TUBB8: variants seen among roughly 807,000 people sequenced by gnomAD.
The protein encoded by TUBB8 is tubulin beta-8 chain.
TUBB8 carries 25 observed loss-of-function variants against 33.7 expected under a neutral mutation model. The ratio of observed to expected loss-of-function variants is 0.74; its 90% CI spans 0.54 to 1.04. The LOEUF is 1.04. Among genes scored for constraint, TUBB8 ranks in the 50% least tolerant of loss-of-function variants. TUBB8 has a pLI of 0.00. For missense variants in TUBB8, 279 were observed against 608.0 expected (o/e 0.46, Z 5.69); for synonymous variants, 245 against 240.1 (o/e 1.02, Z -0.19).
intron 1 of TUBB8, among the ~76,000 whole-genome samples, chr10:59,180 T>C (rs1834567986): frequency 6.6e-6 from 1 of 152,200 alleles, no homozygotes; most frequent in Admixed American, 6.6e-5. Flanking sequence ...TGGAAATGAT[T>C]ACATGGATTT....
intron 1 of TUBB8, among the ~76,000 whole-genome samples, chr10:66,012 A>G (rs1217607907): frequency 6.6e-6 from 1 of 152,252 alleles, no homozygotes; most frequent in African/African-American, 2.4e-5. Context: ...TCTAAACACC[A>G]CAATCGGACT....
upstream of TUBB8, among the ~76,000 whole-genome samples, chr10:51,561 G>A (rs1834468909): frequency 6.6e-6 from 1 of 152,174 alleles, no homozygotes; most frequent in Admixed American, 6.5e-5. Context: ...CCTCAGATAT[G>A]TCTTTATTAG....
intron 1 of TUBB8, among the ~76,000 whole-genome samples, chr10:59,007 T>C (rs1292293890): frequency 6.6e-6 from 1 of 152,134 alleles, no homozygotes; most frequent in Non-Finnish European, 1.5e-5. Flanking sequence ...TCTTCCAGAG[T>C]TTAGAGGAAA....
intron 1 of TUBB8, among the ~76,000 whole-genome samples, chr10:55,037 T>A (rs544379931): frequency 6.6e-6 from 1 of 152,216 alleles, no homozygotes; most frequent in Non-Finnish European, 1.5e-5. Flanking sequence ...ATTACAAGCA[T>A]AAGCCACTGC....
At chr10:76,175 A>T (rs1415933486), upstream of TUBB8, among the ~76,000 whole-genome samples, 1 of 148,150 alleles carries the variant, frequency 6.7e-6, no homozygotes, top group African/African-American at 2.5e-5. Context: ...AGCACCGATC[A>T]GGGGGCGTCT....
Position 49,250 on chromosome 10 carries a change from G to C in TUBB8, c.-12C>G, listed in dbSNP as rs782429159. 3.2e-6 allele frequency: 5 copies of C among 1,580,278 alleles called. No homozygotes were observed. Among genetic ancestry groups the C allele is most frequent in the Non-Finnish European group, 4.3e-6 (5 of 1,163,672 alleles). ...ACGATCTCCCTCATGGCCAAGGCGG[G>C]ATTAGGACGGCAGGAGAAACGTGAG... is the stretch of plus-strand genomic sequence containing the variant. On this transcript the variant is annotated 5_prime_UTR_variant, in exon 1 of 4. In the 5' UTR this introduces an upstream ATG that the reference lacks. Transcript: ENST00000568584.
intron 1 of TUBB8, among the ~76,000 whole-genome samples, chr10:66,154 G>T (rs1441528253): frequency 1.3e-5 from 2 of 152,206 alleles, no homozygotes; most frequent in Non-Finnish European, 1.5e-5. Context: ...GAGAGAAAAA[G>T]AAGTAAAGAG....
Position 57,623 on chromosome 10 carries a change from C to T in TUBB8, c.-845-7390G>A, listed in dbSNP as rs568730092. Among the ~76,000 whole-genome samples, 156 of 152,292 alleles carry T rather than the reference C, an allele frequency of 1.0e-3. 2 individuals carry two copies. In the South Asian group the frequency reaches 0.012, roughly 12 times the overall value. ...TGTAACTGGGCCAATTTGTGCTACA[C>T]CTGGAGCTGAAGCAGTGGCCAGGAT... is the stretch of plus-strand genomic sequence containing the variant. On this transcript the variant is annotated intron_variant, in intron 1 of 3. Transcript: ENST00000564130.
intron 1 of TUBB8, among the ~76,000 whole-genome samples, chr10:59,946 G>C (rs555863730): frequency 2.0e-4 from 31 of 151,978 alleles, no homozygotes; most frequent in African/African-American, 7.5e-4. Flanking sequence ...ATGATCTTTT[G>C]ATTTTCTGAA....
At chr10:50,339 A>G (rs1834450769), upstream of TUBB8, 1 of 152,170 alleles carries the variant, frequency 6.6e-6, no homozygotes, top group African/African-American at 2.4e-5. Flanking sequence ...GGCATTAGTA[A>G]TTTATTACCA....
At chr10:73,557 C>T (rs2130954645) in intron 1 of TUBB8, among the ~76,000 whole-genome samples, 2 of 152,126 alleles carry the variant, frequency 1.3e-5, no homozygotes, top group South Asian at 4.2e-4. Context: ...GCAGGAGAAT[C>T]GCTTGAACCC....
At chr10:54,451 T>C (rs1834505197) in intron 1 of TUBB8, among the ~76,000 whole-genome samples, 1 of 151,600 alleles carries the variant, frequency 6.6e-6, no homozygotes, top group African/African-American at 2.4e-5. Flanking sequence ...TTGATGGACA[T>C]TTAGGTTTCT....
chr10:71,206 T>G (rs1834731270), intron 1 of TUBB8, among the ~76,000 whole-genome samples: 2 of 151,994 alleles, frequency 1.3e-5, no homozygotes, highest in Non-Finnish European at 2.9e-5. Context: ...TCCCAGCTAC[T>G]TGGGAGGCTG....
At chr10:62,621 A>G (rs563466801) in intron 1 of TUBB8, among the ~76,000 whole-genome samples, 17 of 151,966 alleles carry the variant, frequency 1.1e-4, no homozygotes, top group Non-Finnish European at 2.5e-4. Flanking sequence ...TTGCTCATTC[A>G]CTTTTTTTCT....
At chr10:76,060 A>G (rs1287870491), upstream of TUBB8, among the ~76,000 whole-genome samples, 16 of 143,828 alleles carry the variant, frequency 1.1e-4, no homozygotes, top group African/African-American at 3.9e-4. Context: ...AATCGCTTGA[A>G]CCCGGGAGGC....
upstream of TUBB8, chr10:49,611 C>G: frequency 2.0e-6 from 1 of 508,738 alleles, no homozygotes; most frequent in East Asian, 5.4e-5. Flanking sequence ...GCCTTTGCAC[C>G]TGTCCTAGAT....
intron 1 of TUBB8, among the ~76,000 whole-genome samples, chr10:64,095 C>T (rs868942025): frequency 6.6e-6 from 1 of 152,014 alleles, no homozygotes; most frequent in Non-Finnish European, 1.5e-5. Flanking sequence ...TCTCTGAAAC[C>T]AGCAGAGTCT....
chr10:51,690 G>A (rs1402035297), upstream of TUBB8, among the ~76,000 whole-genome samples: 1 of 151,672 alleles, frequency 6.6e-6, no homozygotes, highest in Admixed American at 6.6e-5. Flanking sequence ...TGTCTGGAGG[G>A]TCGGTCTAGC....
Position 56,796 on chromosome 10 carries a change from G to C in TUBB8, c.-845-6563C>G, listed in dbSNP as rs1277963459. Among the ~76,000 whole-genome samples, 4 of 152,142 alleles carry C rather than the reference G, an allele frequency of 2.6e-5. No homozygotes were observed. In the East Asian group the frequency reaches 5.8e-4, roughly 22 times the overall value. ...CCTAAACTATATCATTTTGCCCCTG[G>C]CCATTCCAAATCTCATATCCTTCTC... On this transcript the variant is annotated intron_variant, in intron 1 of 3. Transcript: ENST00000564130.
Sources: allele counts gnomAD v4.1 joint callset (sites outside exome capture counted in the v4.1 genomes callset), GRCh38; gene constraint gnomAD v4.1.1; transcripts MANE v1.5; gene names NCBI Gene and HGNC (gene_info 2026-07-23, HGNC 2026-07-21).